Variants in FNIP1 observed in about 807,000 individuals in gnomAD.
FNIP1 encodes folliculin interacting protein 1, also known as folliculin-interacting protein 1.
FNIP1 carries 40 observed loss-of-function variants against 124.5 expected under a neutral mutation model. That is an observed-to-expected ratio of 0.32 (90% CI 0.25 to 0.42). The LOEUF (loss-of-function observed/expected upper bound fraction) is 0.42, where lower values mean the gene tolerates loss of function less well. Ranked by LOEUF, FNIP1 falls within the 10% of genes least tolerant of loss-of-function variation. The pLI, the probability that FNIP1 is intolerant of heterozygous loss-of-function variation, is 1.00. For missense variants in FNIP1, 1,176 were observed against 1,403.7 expected (o/e 0.84, Z 2.59); for synonymous variants, 472 against 470.6 (o/e 1.00, Z -0.04).
chr5:131,684,448 AAAT>A (rs1196930706), intron 11 of FNIP1, among the ~76,000 whole-genome samples: 3 of 152,184 alleles, frequency 2.0e-5, no homozygotes, highest in African/African-American at 7.2e-5. Flanking sequence ...GAAAATTATA[AAAT>A]ATTATAAGAA....
intron 10 of FNIP1, among the ~76,000 whole-genome samples, chr5:131,702,761 C>G (rs1333269445): frequency 6.6e-6 from 1 of 152,184 alleles, no homozygotes; most frequent in African/African-American, 2.4e-5. Context: ...TCAGTAGCAA[C>G]TGACAAAAGT....
intron 2 of FNIP1, among the ~76,000 whole-genome samples, chr5:131,740,878 T>A (rs1187176462): frequency 2.0e-5 from 3 of 152,164 alleles, no homozygotes; most frequent in African/African-American, 7.2e-5. Context: ...AAAACCAAGA[T>A]GGCGACAAGA....
chr5:131,748,615 T>TG (rs1770763636), intron 1 of FNIP1, among the ~76,000 whole-genome samples: 1 of 147,232 alleles, frequency 6.8e-6, no homozygotes, highest in South Asian at 2.1e-4. Context: ...GAGAATCTCT[T>TG]GAACCCAGGA....
At chr5:131,707,955 T>A (rs1380890817) in intron 8 of FNIP1, among the ~76,000 whole-genome samples, 1 of 151,966 alleles carries the variant, frequency 6.6e-6, no homozygotes, top group Non-Finnish European at 1.5e-5. Context: ...CTAGATTACA[T>A]CGAAGCAAAG....
At chr5:131,744,825 A>G (rs1370345802) in intron 1 of FNIP1, 135 bp from the exon 2 acceptor site, 1 of 552,144 alleles carries the variant, frequency 1.8e-6, no homozygotes, top group Non-Finnish European at 2.5e-6. Context: ...ATATCTTTAT[A>G]TTAAATATCA....
chr5:131,663,652 A>G (rs755258596), intron 15 of FNIP1, among the ~76,000 whole-genome samples: 15 of 152,298 alleles, frequency 9.8e-5, no homozygotes, highest in Non-Finnish European at 1.9e-4. Context: ...GACTTTTACT[A>G]ATTGTTTGTC....
intron 15 of FNIP1, among the ~76,000 whole-genome samples, chr5:131,653,906 T>A (rs959076210): frequency 6.6e-6 from 1 of 152,156 alleles, no homozygotes; most frequent in African/African-American, 2.4e-5. Context: ...CACGCCCGGC[T>A]AATTTTTGTA....
In FNIP1 at chr5:131,672,072, A is replaced by G. The variant is rs373328701; in HGVS notation, c.2372T>C (p.Ile791Thr). 64 of 1,614,072 alleles carry G rather than the reference A, an allele frequency of 4.0e-5. No individual in the cohort carries two copies. Among genetic ancestry groups the G allele is most frequent in the Non-Finnish European group, 5.3e-5 (62 of 1,180,032 alleles). The change falls in exon 14 of 18, where the codon ATT becomes ACT. Residue 791 changes from isoleucine (I) to threonine (T), a missense_variant. Ile to Thr is a moderately conservative substitution (Grantham distance 89). Transcript: ENST00000510461. ...TKPLKEERGA[I>T]DQHQETKQTT... Reference sequence around the variant, plus strand: ...TTGTTTAGTTTCTTGATGCTGATCAATAGCCCCTCTTTCTTCCTTCAATGG... The same window carrying G: ...TTGTTTAGTTTCTTGATGCTGATCAGTAGCCCCTCTTTCTTCCTTCAATGG...
intron 6 of FNIP1, 143 bp from the exon 7 acceptor site, chr5:131,710,804 G>C: frequency 1.7e-6 from 1 of 573,358 alleles, no homozygotes; most frequent in Non-Finnish European, 3.0e-6. Context: ...AAGAATTCAA[G>C]CTGTCTTTCC....
chr5:131,671,813 A>G lies in FNIP1; in HGVS notation c.2631T>C (p.Asn877=). The G allele has an allele frequency of 6.2e-7, 1 of 1,613,930 alleles. No homozygotes were observed. Among genetic ancestry groups the G allele is most frequent in the Non-Finnish European group, 8.5e-7 (1 of 1,179,980 alleles). ...TACAAAATTCATTGTTCTGCTTGTTATTTTTTGTACACAATATTTTTGAAA... is the reference window on the plus strand; with the variant it reads ...TACAAAATTCATTGTTCTGCTTGTTGTTTTTTGTACACAATATTTTTGAAA... ...LEFSKILCTK[N]NKQNNEFCKC... Residue 877 remains asparagine, a synonymous_variant, in exon 14 of 18, where the codon AAT becomes AAC. Transcript: ENST00000510461.
chr5:131,771,899 T>C (rs947095617), intron 1 of FNIP1, among the ~76,000 whole-genome samples: 3 of 152,132 alleles, frequency 2.0e-5, no homozygotes, highest in African/African-American at 7.2e-5. Flanking sequence ...CACTATGACC[T>C]CCTTGCACTC....
chr5:131,649,307 G>A (rs1009745283), intron 16 of FNIP1, among the ~76,000 whole-genome samples: 3 of 152,048 alleles, frequency 2.0e-5, no homozygotes, highest in African/African-American at 4.8e-5. Context: ...ACCACATCTT[G>A]GTCAATACTT....
intron 15 of FNIP1, among the ~76,000 whole-genome samples, chr5:131,659,370 T>C (rs1767331344): frequency 6.6e-6 from 1 of 152,172 alleles, no homozygotes; most frequent in Non-Finnish European, 1.5e-5. Context: ...TCATTGCCAA[T>C]GGTGATGACC....
At chr5:131,786,533 GA>G (rs1561708812) in intron 1 of FNIP1, among the ~76,000 whole-genome samples, 2 of 152,184 alleles carry the variant, frequency 1.3e-5, no homozygotes, top group Non-Finnish European at 2.9e-5. Flanking sequence ...AAACTAAAAT[GA>G]AGGCTGGAAA....
Position 131,647,156 on chromosome 5 carries a change from T to G in FNIP1, c.3356A>C (p.Lys1119Thr). Reference protein sequence around the residue: ...DRLQELYFKSKMLSEYLRGQM... With the variant: ...DRLQELYFKSTMLSEYLRGQM... The stretch of plus-strand genomic sequence containing the variant: ...CCCCCTCAGGTATTCAGACAGCATT[T>G]TACTTTTGAAGTATAGCTCCTGCAA... The change falls in exon 17 of 18, where the codon AAA (lysine) becomes ACA (threonine). Residue 1119 changes from lysine (K) to threonine (T), a missense_variant. Around this residue, in one of 2 missense-constraint regions of FNIP1, gnomAD observed 67 missense variants for 115.2 expected, o/e 0.58. Coordinates refer to ENST00000510461, the MANE Select transcript of FNIP1 (RefSeq NM_133372.3). The G allele has an allele frequency of 1.2e-6, 2 of 1,614,176 alleles. No homozygotes were observed. Among genetic ancestry groups the G allele is most frequent in the South Asian group, 2.2e-5 (2 of 91,088 alleles).
intron 17 of FNIP1, among the ~76,000 whole-genome samples, chr5:131,645,322 A>AC (rs1165506380): frequency 4.6e-5 from 7 of 151,892 alleles, no homozygotes; most frequent in Admixed American, 6.6e-5. Context: ...AAAAAAAAAA[A>AC]AACAAAGAAT....
chr5:131,655,276 G>A (rs1767158034), intron 15 of FNIP1, among the ~76,000 whole-genome samples: 1 of 152,114 alleles, frequency 6.6e-6, no homozygotes, highest in Admixed American at 6.6e-5. Flanking sequence ...GGAGGCAGAG[G>A]CGAGAGGATC....
chr5:131,729,495 C>A (rs762707182), intron 3 of FNIP1, among the ~76,000 whole-genome samples: 3 of 152,240 alleles, frequency 2.0e-5, no homozygotes, highest in Non-Finnish European at 4.4e-5. Context: ...GTTGGAAATG[C>A]AGAAATCACC....
Position 131,784,988 on chromosome 5 carries a change from TATATATATG to T in FNIP1, c.92+11833_92+11841del, listed in dbSNP as rs1411791209. Among the ~76,000 whole-genome samples, 1,209 of 138,880 alleles carry T rather than the reference TATATATATG, an allele frequency of 8.7e-3. 8 individuals carry two copies. Among genetic ancestry groups the T allele is most frequent in the Non-Finnish European group, 0.014 (918 of 64,558 alleles). 91.1% of individuals were successfully genotyped at this position (138,880 alleles called of 152,430 possible). A position where few individuals can be genotyped will look rare whatever the true frequency, so the allele number is the denominator to read the frequency against. The stretch of plus-strand genomic sequence containing the variant: ...ATTTCTTATAACTATATATATATCA[TATATATATG>T]ATATATATGACTATATATATGATAT... On this transcript the variant is annotated intron_variant, in intron 1 of 17. Coordinates refer to ENST00000510461, the MANE Select transcript of FNIP1 (RefSeq NM_133372.3).
Sources: allele counts gnomAD v4.1 joint callset (sites outside exome capture counted in the v4.1 genomes callset), GRCh38; gene constraint gnomAD v4.1.1; regional missense constraint gnomAD v4.1.1; transcripts MANE v1.5; gene names NCBI Gene and HGNC (gene_info 2026-07-23, HGNC 2026-07-21).